NALF1: variants seen among roughly 807,000 people sequenced by gnomAD.
NALF1 encodes the protein family with sequence similarity 155 member A.
In NALF1, 3 loss-of-function variants were observed where a neutral mutation model predicts 48.4. The observed-to-expected ratio is 0.06, with a 90% CI of 0.03 to 0.16. NALF1 has a LOEUF of 0.16. Ranked by LOEUF, NALF1 falls within the 10% of genes least tolerant of loss-of-function variation. The pLI is 1.00. For missense variants in NALF1, 526 were observed against 571.5 expected (o/e 0.92, Z 0.81); for synonymous variants, 262 against 245.7 (o/e 1.07, Z -0.62).
At chr13:107,662,897 G>A (rs1309593205) in intron 1 of NALF1, among the ~76,000 whole-genome samples, 2 of 152,042 alleles carry the variant, frequency 1.3e-5, no homozygotes, top group Non-Finnish European at 2.9e-5. Context: ...ATGTTTTAGA[G>A]ATTTTAGAAA....
At chr13:107,560,871 G>A (rs1050614778) in intron 1 of NALF1, among the ~76,000 whole-genome samples, 40 of 152,146 alleles carry the variant, frequency 2.6e-4, no homozygotes, top group African/African-American at 8.4e-4. Context: ...TCTTCACCAC[G>A]GTTGTGAAGA....
In NALF1 at chr13:107,589,046, C is replaced by T. The variant is rs115068765; in HGVS notation, c.915+276636G>A. Among the ~76,000 whole-genome samples the T allele has an allele frequency of 2.5e-3, 381 of 152,108 alleles. 3 individuals are homozygous for T. Among genetic ancestry groups the T allele is most frequent in the African/African-American group, 8.3e-3 (345 of 41,528 alleles). ...ACAGGGGAGAGCAAACACATTACTG[C>T]CAAGATATTTCAGACCAGAATTTTT... is the stretch of plus-strand genomic sequence containing the variant. On this transcript the variant is annotated intron_variant, in intron 1 of 2. Transcript: ENST00000375915.
chr13:107,692,719 C>T (rs1330113689), intron 1 of NALF1, among the ~76,000 whole-genome samples: 1 of 152,102 alleles, frequency 6.6e-6, no homozygotes, highest in East Asian at 1.9e-4. Flanking sequence ...AATGGTGCAG[C>T]TGACATATTT....
intron 1 of NALF1, among the ~76,000 whole-genome samples, chr13:107,737,188 A>C (rs1039403287): frequency 6.6e-6 from 1 of 152,208 alleles, no homozygotes; most frequent in Non-Finnish European, 1.5e-5. Flanking sequence ...CTTAGTAGCC[A>C]TTATATAATT....
intron 1 of NALF1, among the ~76,000 whole-genome samples, chr13:107,790,257 T>A (rs1462747571): frequency 6.6e-6 from 1 of 152,118 alleles, no homozygotes; most frequent in African/African-American, 2.4e-5. Flanking sequence ...TAAAAAGTAT[T>A]AAACATAACA....
At chr13:107,644,666 T>TATATATATATATATATGC (rs1880263741) in intron 1 of NALF1, among the ~76,000 whole-genome samples, 1 of 146,966 alleles carries the variant, frequency 6.8e-6, no homozygotes, top group East Asian at 2.0e-4. Flanking sequence ...TATATATATA[T>TATATATATATATATATGC]GCTTTCACTT....
intron 1 of NALF1, among the ~76,000 whole-genome samples, chr13:107,246,243 C>T (rs1880581687): frequency 1.3e-5 from 2 of 152,086 alleles, no homozygotes; most frequent in Non-Finnish European, 1.5e-5. Flanking sequence ...TTTTCTGCAC[C>T]CTTCAAGGCC....
intron 1 of NALF1, among the ~76,000 whole-genome samples, chr13:107,863,246 C>T (rs1196934932): frequency 1.3e-5 from 2 of 152,006 alleles, no homozygotes; most frequent in Non-Finnish European, 2.9e-5. Flanking sequence ...GAAACTCAGG[C>T]ATATCTTTCA....
intron 1 of NALF1, among the ~76,000 whole-genome samples, chr13:107,644,646 C>CATATATATATATATATATAT (rs58981652): frequency 4.4e-4 from 48 of 108,214 alleles, no homozygotes; most frequent in South Asian, 3.5e-3. Flanking sequence ...TACATACATA[C>CATATATATATATATATATAT]ATATATATAT....
chr13:107,800,806 C>G (rs1263205969), intron 1 of NALF1, among the ~76,000 whole-genome samples: 1 of 149,736 alleles, frequency 6.7e-6, no homozygotes, highest in Non-Finnish European at 1.5e-5. Flanking sequence ...CAGGTAATTT[C>G]TAAGTTGCTA....
intron 1 of NALF1, among the ~76,000 whole-genome samples, chr13:107,771,249 T>G (rs1004012367): frequency 2.8e-3 from 198 of 70,432 alleles, no homozygotes; most frequent in Non-Finnish European, 9.6e-4. Context: ...TTTAACATGT[T>G]GTGTGTGTGT....
rs144569767 is a variant in NALF1 at position 107,623,587 on chromosome 13, T to G, written c.915+242095A>C. Among the ~76,000 whole-genome samples the G allele has an allele frequency of 6.6e-5, 10 of 152,330 alleles. No individual in the cohort carries two copies. The East Asian group carries it at 1.9e-3, about 29-fold the overall frequency. On this transcript the variant is annotated intron_variant, in intron 1 of 2. Coordinates refer to ENST00000375915, the MANE Select transcript of NALF1 (RefSeq NM_001080396.3). Reference sequence around the variant, plus strand: ...GTAAATGTGCCACAGGCACTATTGTTTCATTCTGTTGTATGCATAGTTGAA... The same window carrying G: ...GTAAATGTGCCACAGGCACTATTGTGTCATTCTGTTGTATGCATAGTTGAA...
intron 1 of NALF1, among the ~76,000 whole-genome samples, chr13:107,434,362 G>T (rs1289516576): frequency 6.6e-6 from 1 of 151,914 alleles, no homozygotes; most frequent in Admixed American, 6.6e-5. Flanking sequence ...AAGTGAAGTG[G>T]GATCTTTTCT....
intron 1 of NALF1, among the ~76,000 whole-genome samples, chr13:107,599,335 T>C (rs914715558): frequency 2.0e-5 from 3 of 148,992 alleles, no homozygotes; most frequent in Admixed American, 6.8e-5. Flanking sequence ...GGCAGGAGAA[T>C]GGCATGAACC....
chr13:107,817,167 A>G (rs1325643958), intron 1 of NALF1, among the ~76,000 whole-genome samples: 1 of 152,212 alleles, frequency 6.6e-6, no homozygotes, highest in Non-Finnish European at 1.5e-5. Context: ...GGACACAAAT[A>G]AGTAAATAAT....
chr13:107,524,702 A>G lies in NALF1; in HGVS notation c.916-313947T>C, dbSNP rs74849662. ...CCCTTGGTACAGAGATAGTAACTCA[A>G]TAGGAAAACTTAGGGAAAACGAATA... On this transcript the variant is annotated intron_variant, in intron 1 of 2. Transcript: ENST00000375915. Among the ~76,000 whole-genome samples the G allele has an allele frequency of 7.1e-3, 1,080 of 152,276 alleles. 42 individuals are homozygous for G. In the East Asian group the frequency reaches 0.1, roughly 15 times the overall value.
chr13:107,737,684 C>G (rs574441063), intron 1 of NALF1, among the ~76,000 whole-genome samples: 1 of 152,064 alleles, frequency 6.6e-6, no homozygotes, highest in Non-Finnish European at 1.5e-5. Flanking sequence ...GCTCAAGGGA[C>G]GGGAATAGAA....
chr13:107,783,347 C>T (rs909826694), intron 1 of NALF1, among the ~76,000 whole-genome samples: 17 of 151,730 alleles, frequency 1.1e-4, no homozygotes, highest in Non-Finnish European at 1.2e-4. Context: ...CGGCCACCAC[C>T]CCGTCTGGGA....
chr13:107,812,286 T>C (rs897969143), intron 1 of NALF1, among the ~76,000 whole-genome samples: 6 of 152,120 alleles, frequency 3.9e-5, no homozygotes, highest in Non-Finnish European at 7.4e-5. Flanking sequence ...TCATTATAAA[T>C]ACTACTGGCC....
Sources: allele counts gnomAD v4.1 joint callset (sites outside exome capture counted in the v4.1 genomes callset), GRCh38; gene constraint gnomAD v4.1.1; transcripts MANE v1.5; gene names NCBI Gene and HGNC (gene_info 2026-07-23, HGNC 2026-07-21).